The following DNM2 variants were observed in gnomAD, a reference collection of about 807,000 sequenced individuals.
The protein encoded by DNM2 is dynamin-2.
DNM2 carries 15 observed loss-of-function variants against 99.0 expected under a neutral mutation model. The ratio of observed to expected loss-of-function variants is 0.15; its 90% CI spans 0.10 to 0.23. The LOEUF (loss-of-function observed/expected upper bound fraction) is 0.23, where lower values mean the gene tolerates loss of function less well. DNM2 is among the 10% of genes least tolerant of loss of function. The pLI is 1.00. For missense variants in DNM2, 742 were observed against 1,189.4 expected, an observed-to-expected ratio of 0.62 and a Z score of 5.53; for synonymous variants, 525 against 481.2, an observed-to-expected ratio of 1.09 and a Z score of -1.19.
chr19:10,802,558 C>A, intron 12 of DNM2, 200 bp downstream of exon 12: 1 of 666,806 alleles, frequency 1.5e-6, no homozygotes, highest in Non-Finnish European at 2.7e-6. Flanking sequence ...AACCAACACG[C>A]CTTCTGTGAG....
At chr19:10,805,066 A>C (rs1231230707) in intron 12 of DNM2, among the ~76,000 whole-genome samples, 1 of 152,250 alleles carries the variant, frequency 6.6e-6, no homozygotes, top group Non-Finnish European at 1.5e-5. Context: ...GTAGGTGTCC[A>C]CATATAAAAT....
chr19:10,718,902 G>T (rs1338985078), intron 1 of DNM2, among the ~76,000 whole-genome samples: 1 of 152,154 alleles, frequency 6.6e-6, no homozygotes, highest in Non-Finnish European at 1.5e-5. Flanking sequence ...CCATTTGGTT[G>T]TCCATCTGTC....
chr19:10,820,222 G>A lies in DNM2; in HGVS notation c.1781+133G>A. 1 of 833,444 alleles carries A rather than the reference G, an allele frequency of 1.2e-6. No individual in the cohort carries two copies. Among genetic ancestry groups the A allele is most frequent in the South Asian group, 1.4e-5 (1 of 69,094 alleles). 51.6% of individuals were successfully genotyped at this position (833,444 alleles called of 1,614,324 possible). A position where few individuals can be genotyped will look rare whatever the true frequency, so the allele number is the denominator to read the frequency against. The stretch of plus-strand genomic sequence containing the variant: ...CCCTTGGGACCCAGCTTTTAGAAAG[G>A]GGAGTCACGTGAGAAATAGCAAATG... On this transcript the variant is annotated intron_variant, in intron 16 of 20. Coordinates refer to ENST00000389253, the MANE Select transcript of DNM2 (RefSeq NM_001005361.3). This position sits in a 1 kb window ranked among gnomAD's most constrained non-coding sequence, Gnocchi z 4.3.
At chr19:10,774,471 G>T (rs1351397299) in intron 3 of DNM2, among the ~76,000 whole-genome samples, 2 of 152,138 alleles carry the variant, frequency 1.3e-5, no homozygotes, top group East Asian at 3.8e-4. Context: ...TTATTGCCCA[G>T]GCTGGAGTGC....
intron 1 of DNM2, among the ~76,000 whole-genome samples, chr19:10,744,815 G>A (rs1299133474): frequency 2.0e-5 from 3 of 152,136 alleles, no homozygotes; most frequent in Non-Finnish European, 4.4e-5. Flanking sequence ...GCTGGCTGGG[G>A]TACTCAGGCC....
chr19:10,761,671 G>A (rs956668251), intron 2 of DNM2, among the ~76,000 whole-genome samples: 10 of 152,150 alleles, frequency 6.6e-5, no homozygotes, highest in Non-Finnish European at 1.5e-4. Flanking sequence ...CTGAGGCTTA[G>A]CCATGCTGCC....
At chr19:10,794,223 T>C (rs576447949) in intron 8 of DNM2, among the ~76,000 whole-genome samples, 2 of 152,316 alleles carry the variant, frequency 1.3e-5, no homozygotes, top group East Asian at 1.9e-4. Flanking sequence ...TGAGCTGATA[T>C]ATACAACATC....
chr19:10,787,223 C>G (rs2145980752), intron 7 of DNM2, among the ~76,000 whole-genome samples: 1 of 152,096 alleles, frequency 6.6e-6, no homozygotes, highest in Admixed American at 6.6e-5. Context: ...AATCCCCGTA[C>G]TTTTGGGAGG....
In DNM2 at chr19:10,796,848, C is replaced by T. The variant is rs548358186; in HGVS notation, c.1197-532C>T. 2.6e-5 allele frequency among the ~76,000 whole-genome samples: 4 copies of T among 152,150 alleles called. No individual in the cohort carries two copies. The East Asian group carries it at 5.8e-4, about 22-fold the overall frequency. The stretch of plus-strand genomic sequence containing the variant: ...GGGCTCCCCCAACCCGCGCCAACGC[C>T]GCGGGCCTGGTTCCCAGGGCAGCAC... On this transcript the variant is annotated intron_variant, in intron 9 of 20. Transcript: ENST00000389253. This position sits in a 1 kb window ranked among gnomAD's most constrained non-coding sequence, Gnocchi z 5.6.
At position 10,796,371 on chromosome 19, in the gene DNM2, TG is replaced by T. The variant is rs1342125334; in HGVS notation, c.1196+935del. ...AGGCTGGGGCAGGAGCATGTAGGCCTGGGCCCAGGCACACAGGGGAGTGCCA... is the reference window on the plus strand; with the variant it reads ...AGGCTGGGGCAGGAGCATGTAGGCCTGGCCCAGGCACACAGGGGAGTGCCA... On this transcript the variant is annotated intron_variant, in intron 9 of 20. Transcript: ENST00000389253. The surrounding 1 kb of genome is among the most constrained non-coding windows in gnomAD (Gnocchi z 5.6). Among the ~76,000 whole-genome samples, 1 of 152,090 alleles carries T rather than the reference TG, an allele frequency of 6.6e-6. No homozygotes were observed. The highest frequency in any genetic ancestry group is 1.5e-5 in the Non-Finnish European group (1 of 67,986).
At chr19:10,739,859 CTCAAAAAA>C (rs2069677020) in intron 1 of DNM2, among the ~76,000 whole-genome samples, 1 of 109,758 alleles carries the variant, frequency 9.1e-6, no homozygotes, top group Admixed American at 1.0e-4. Context: ...CTCTCTCTCT[CTCAAAAAA>C]AAAAAAAAAA....
Position 10,797,266 on chromosome 19 carries a change from G to A in DNM2, c.1197-114G>A, listed in dbSNP as rs1204570138. 14 of 1,466,874 alleles carry A rather than the reference G, an allele frequency of 9.5e-6. No individual in the cohort carries two copies. The East Asian group carries it at 3.3e-4, about 35-fold the overall frequency. 90.9% of individuals were successfully genotyped at this position (1,466,874 alleles called of 1,614,324 possible). A position where few individuals can be genotyped will look rare whatever the true frequency, so the allele number is the denominator to read the frequency against. On this transcript the variant is annotated intron_variant, in intron 9 of 20. Coordinates refer to ENST00000389253, the MANE Select transcript of DNM2 (RefSeq NM_001005361.3). ...TGCGGGCGCAGGCTCCCCCATGCATGGACTAATCAGATGACTCTCGTTTCT... is the reference window on the plus strand; with the variant it reads ...TGCGGGCGCAGGCTCCCCCATGCATAGACTAATCAGATGACTCTCGTTTCT...
chr19:10,742,777 C>CCT (rs2069801945), intron 1 of DNM2, among the ~76,000 whole-genome samples: 1 of 152,086 alleles, frequency 6.6e-6, no homozygotes, highest in Non-Finnish European at 1.5e-5. Context: ...GCCAATAGAC[C>CCT]GGATGACTTA....
At chr19:10,803,916 G>A (rs2072245475) in intron 12 of DNM2, among the ~76,000 whole-genome samples, 1 of 152,212 alleles carries the variant, frequency 6.6e-6, no homozygotes, top group African/African-American at 2.4e-5. Flanking sequence ...AGGATGATGA[G>A]AGTAGGAAGA....
intron 5 of DNM2, among the ~76,000 whole-genome samples, chr19:10,782,287 G>A (rs1457579144): frequency 1.3e-5 from 2 of 152,114 alleles, no homozygotes; most frequent in East Asian, 1.9e-4. Context: ...ACCCGCCTCG[G>A]CCTCCCAAAG....
intron 2 of DNM2, among the ~76,000 whole-genome samples, chr19:10,767,648 G>A (rs1427369723): frequency 1.3e-5 from 2 of 151,462 alleles, no homozygotes; most frequent in Admixed American, 1.3e-4. Context: ...GCTCATGCCT[G>A]TAATCCCAGC....
In DNM2 at chr19:10,830,466, A is replaced by G. The variant is rs2073301423; in HGVS notation, c.2543+88A>G. The G allele has an allele frequency of 1.4e-6, 2 of 1,433,548 alleles. No homozygotes were observed. The highest frequency in any genetic ancestry group is 1.9e-6 in the Non-Finnish European group (2 of 1,045,052). 88.8% of individuals were successfully genotyped at this position (1,433,548 alleles called of 1,614,324 possible). ...CACTTCCTCCCAGTGAGCTCTCACT[A>G]CGTGCCCAGCTGCTGGAGTGGAGGA... On this transcript the variant is annotated intron_variant, in intron 20 of 20. Transcript: ENST00000389253. This position sits in a 1 kb window ranked among gnomAD's most constrained non-coding sequence, Gnocchi z 4.8.
chr19:10,724,559 G>T (rs563305967), intron 1 of DNM2, among the ~76,000 whole-genome samples: 5 of 152,334 alleles, frequency 3.3e-5, no homozygotes, highest in African/African-American at 1.2e-4. Context: ...CCTGGAGACG[G>T]GAAGAGAATC....
intron 18 of DNM2, among the ~76,000 whole-genome samples, chr19:10,827,031 C>T (rs981366633): frequency 7.2e-5 from 11 of 151,976 alleles, no homozygotes; most frequent in African/African-American, 2.7e-4. Context: ...AGGAGGATCA[C>T]TCGATCCCAG....
Sources: gnomAD v4.1 joint callset for allele counts (sites outside exome capture counted in the v4.1 genomes callset) on GRCh38, gnomAD v4.1.1 for gene constraint, Gnocchi (gnomAD v3.1) non-coding constraint, MANE v1.5 for transcripts, NCBI Gene and HGNC (gene_info 2026-07-23, HGNC 2026-07-21) for gene names.